The following PTPRC variants were observed in gnomAD, a reference collection of about 807,000 sequenced individuals.
PTPRC encodes receptor-type tyrosine-protein phosphatase C.
PTPRC carries 44 observed loss-of-function variants against 155.9 expected under a neutral mutation model. The observed-to-expected ratio is 0.28, with a 90% CI of 0.22 to 0.36. The LOEUF (loss-of-function observed/expected upper bound fraction) is 0.36. Ranked by LOEUF, PTPRC falls within the 10% of genes least tolerant of loss-of-function variation. PTPRC has a pLI of 1.00. For missense variants in PTPRC, 1,401 were observed against 1,564.6 expected, an observed-to-expected ratio of 0.90 and a Z score of 1.76; for synonymous variants, 525 against 533.1, an observed-to-expected ratio of 0.98 and a Z score of 0.21.
Position 198,741,644 on chromosome 1 carries a change from G to C in PTPRC, c.2404-225G>C, listed in dbSNP as rs962373334. 3.3e-5 allele frequency among the ~76,000 whole-genome samples: 5 copies of C among 151,772 alleles called. No homozygotes were observed. The East Asian group carries it at 9.7e-4, about 30-fold the overall frequency. On this transcript the variant is annotated intron_variant, in intron 23 of 32. Transcript: ENST00000442510. ...CTGTTAAGTTATTGCTTACAGGGTA[G>C]TACATGCAAGTCCTGCACAATATCT...
intron 17 of PTPRC, among the ~76,000 whole-genome samples, chr1:198,730,681 G>T (rs150105446): frequency 6.6e-6 from 1 of 152,050 alleles, no homozygotes; most frequent in African/African-American, 2.4e-5. Context: ...ACCTTGGAAC[G>T]CAGTAGAATT....
At chr1:198,701,078 C>T (rs1558007302) in intron 5 of PTPRC, among the ~76,000 whole-genome samples, 1 of 152,152 alleles carries the variant, frequency 6.6e-6, no homozygotes, top group African/African-American at 2.4e-5. Flanking sequence ...AATGAGCTTT[C>T]CTCACTCTTC....
chr1:198,702,197 A>C (rs553764078), intron 5 of PTPRC, among the ~76,000 whole-genome samples, 190 bp from the exon 6 acceptor site: 6 of 152,304 alleles, frequency 3.9e-5, no homozygotes, highest in African/African-American at 1.4e-4. Context: ...CTGCCCCTAA[A>C]TGCATCTTTC....
chr1:198,735,633 A>G (rs1654602030), intron 23 of PTPRC, among the ~76,000 whole-genome samples: 1 of 151,686 alleles, frequency 6.6e-6, no homozygotes, highest in South Asian at 2.1e-4. Flanking sequence ...AAGAGAAATG[A>G]CAGCATTAGA....
intron 2 of PTPRC, among the ~76,000 whole-genome samples, chr1:198,682,390 ACTCC>A (rs571283552): frequency 6.6e-6 from 1 of 151,848 alleles, no homozygotes; most frequent in Non-Finnish European, 1.5e-5. Flanking sequence ...TATTAGGTGG[ACTCC>A]CTATAATCTA....
At chr1:198,729,330 C>T (rs1030406649) in intron 17 of PTPRC, among the ~76,000 whole-genome samples, 159 bp downstream of exon 17, 7 of 152,088 alleles carry the variant, frequency 4.6e-5, no homozygotes, top group African/African-American at 1.7e-4. Flanking sequence ...CAGCCTCCGC[C>T]TCCCTGTTGA....
intron 11 of PTPRC, among the ~76,000 whole-genome samples, chr1:198,711,955 A>G (rs1262746829): frequency 6.6e-6 from 1 of 152,212 alleles, no homozygotes; most frequent in East Asian, 1.9e-4. Context: ...GCTAAACTTA[A>G]GAATACGGAT....
At chr1:198,746,586 A>AAGAG (rs1205210973) in intron 26 of PTPRC, among the ~76,000 whole-genome samples, 1 of 151,840 alleles carries the variant, frequency 6.6e-6, no homozygotes, top group African/African-American at 2.4e-5. Flanking sequence ...GGTTAGATGT[A>AAGAG]AGAGACTGGG....
chr1:198,696,053 G>C (rs1229412970), intron 3 of PTPRC, among the ~76,000 whole-genome samples: 1 of 151,938 alleles, frequency 6.6e-6, no homozygotes, highest in African/African-American at 2.4e-5. Flanking sequence ...CCAGCTACTT[G>C]GGTGGCTGAG....
chr1:198,674,506 A>G (rs1313457293), intron 2 of PTPRC, among the ~76,000 whole-genome samples: 1 of 147,704 alleles, frequency 6.8e-6, no homozygotes, highest in Non-Finnish European at 1.5e-5. Context: ...ATAACATATA[A>G]TAATATATAT....
intron 17 of PTPRC, 93 bp downstream of exon 17, chr1:198,729,264 CAG>C: frequency 1.5e-6 from 2 of 1,369,144 alleles, no homozygotes; most frequent in East Asian, 2.8e-5. Context: ...TATTTTAAGA[CAG>C]AGTCTCATTC....
At chr1:198,750,210 T>C (rs1467099422) in intron 28 of PTPRC, 2 of 426,836 alleles carry the variant, frequency 4.7e-6, no homozygotes, top group Admixed American at 7.0e-5. Context: ...CACATTAACC[T>C]TTATAGAGAA....
At chr1:198,689,463 A>C (rs1484976121) in intron 2 of PTPRC, among the ~76,000 whole-genome samples, 3 of 152,192 alleles carry the variant, frequency 2.0e-5, no homozygotes, top group Non-Finnish European at 4.4e-5. Flanking sequence ...AAAGTAGTAA[A>C]TCAGAACAAC....
At chr1:198,665,496 T>C (rs1052238) in intron 2 of PTPRC, among the ~76,000 whole-genome samples, 76,564 of 151,752 alleles carry the variant, frequency 0.5, 19,758 homozygotes, top group East Asian at 0.68. Context: ...GGTGAAAAAC[T>C]AGAACAGCCA....
At chr1:198,693,071 G>C (rs1666015027) in intron 3 of PTPRC, 1 of 977,180 alleles carries the variant, frequency 1.0e-6, no homozygotes, top group East Asian at 1.1e-4. Flanking sequence ...TATGCATTAA[G>C]AAGGTAAGTA....
intron 8 of PTPRC, among the ~76,000 whole-genome samples, chr1:198,704,893 C>T (rs1220439967): frequency 6.6e-6 from 1 of 151,814 alleles, no homozygotes; most frequent in Non-Finnish European, 1.5e-5. Flanking sequence ...AGTTAGACAA[C>T]TTTGGTAAAG....
intron 15 of PTPRC, among the ~76,000 whole-genome samples, chr1:198,726,054 A>C (rs916516688): frequency 2.0e-5 from 3 of 152,192 alleles, no homozygotes; most frequent in Admixed American, 2.0e-4. Flanking sequence ...AGACTTGGCT[A>C]TTTTATTAAG....
At chr1:198,647,089 C>A (rs1355818239) in intron 2 of PTPRC, among the ~76,000 whole-genome samples, 1 of 151,804 alleles carries the variant, frequency 6.6e-6, no homozygotes, top group Non-Finnish European at 1.5e-5. Flanking sequence ...TTCCTTCTCT[C>A]CACATCTTTT....
chr1:198,722,074 A>G (rs1468049673), intron 14 of PTPRC, among the ~76,000 whole-genome samples: 1 of 151,178 alleles, frequency 6.6e-6, no homozygotes, highest in Non-Finnish European at 1.5e-5. Context: ...TTAATTAAAT[A>G]TTAGCCTATT....
Sources: gnomAD v4.1 joint callset for allele counts (sites outside exome capture counted in the v4.1 genomes callset) on GRCh38, gnomAD v4.1.1 for gene constraint, MANE v1.5 for transcripts, NCBI Gene and HGNC (gene_info 2026-07-23, HGNC 2026-07-21) for gene names.